EDIL3: variants seen among roughly 807,000 people sequenced by gnomAD.
EDIL3 encodes the protein EGF like and discoidin domains 3.
EDIL3 carries 37 observed loss-of-function variants against 67.4 expected under a neutral mutation model. That is an observed-to-expected ratio of 0.55 (90% CI 0.42 to 0.72). The LOEUF (loss-of-function observed/expected upper bound fraction) is 0.72. Among genes scored for constraint, EDIL3 ranks in the 30% least tolerant of loss-of-function variants. The pLI is 0.00. For missense variants in EDIL3, 527 were observed against 586.3 expected (o/e 0.90, Z 1.04); for synonymous variants, 195 against 196.3 (o/e 0.99, Z 0.05).
chr5:84,094,494 C>G (rs1747225648), intron 6 of EDIL3, among the ~76,000 whole-genome samples: 1 of 151,470 alleles, frequency 6.6e-6, no homozygotes, highest in Admixed American at 6.6e-5. Context: ...GCTTCTGTAA[C>G]TAGAAAAAAG....
chr5:84,171,035 C>T (rs2112348603), intron 4 of EDIL3, among the ~76,000 whole-genome samples: 1 of 152,060 alleles, frequency 6.6e-6, no homozygotes, highest in South Asian at 2.1e-4. Context: ...CCTCAGGTGA[C>T]CTGTCTGCCT....
intron 3 of EDIL3, among the ~76,000 whole-genome samples, chr5:84,201,383 T>A (rs1030281282): frequency 1.3e-5 from 2 of 152,088 alleles, no homozygotes; most frequent in African/African-American, 2.4e-5. Context: ...TTATAAAGTA[T>A]AGCTCCATGG....
chr5:84,211,691 A>G (rs372678044), intron 3 of EDIL3, among the ~76,000 whole-genome samples: 1 of 152,332 alleles, frequency 6.6e-6, no homozygotes, highest in African/African-American at 2.4e-5. Context: ...AAACTGAAAG[A>G]GACAAGGAAA....
At chr5:84,093,021 C>T (rs949311014) in intron 6 of EDIL3, among the ~76,000 whole-genome samples, 2 of 152,068 alleles carry the variant, frequency 1.3e-5, no homozygotes, top group African/African-American at 2.4e-5. Context: ...GTGAGGCACT[C>T]CCCGTATAAA....
intron 1 of EDIL3, among the ~76,000 whole-genome samples, chr5:84,360,679 C>G (rs1467548327): frequency 1.3e-5 from 2 of 152,014 alleles, no homozygotes; most frequent in Admixed American, 1.3e-4. Context: ...AAAGTAGAAC[C>G]TGGTATACAT....
intron 2 of EDIL3, among the ~76,000 whole-genome samples, chr5:84,236,458 C>T (rs1324204420): frequency 6.6e-6 from 1 of 152,022 alleles, no homozygotes; most frequent in Non-Finnish European, 1.5e-5. Context: ...TAAATGTGCC[C>T]TTCCTCCCTA....
intron 1 of EDIL3, among the ~76,000 whole-genome samples, chr5:84,371,920 C>T (rs544835155): frequency 9.2e-5 from 14 of 152,196 alleles, no homozygotes; most frequent in African/African-American, 3.1e-4. Flanking sequence ...CCAATTCAAA[C>T]TTTCAGTCCC....
At chr5:84,008,826 G>T (rs1457002739) in intron 9 of EDIL3, among the ~76,000 whole-genome samples, 2 of 151,856 alleles carry the variant, frequency 1.3e-5, no homozygotes, top group African/African-American at 4.8e-5. Flanking sequence ...TTTTGTTTGT[G>T]GGGGGAAACA....
At chr5:84,311,053 C>T (rs951858712) in intron 1 of EDIL3, among the ~76,000 whole-genome samples, 9 of 151,876 alleles carry the variant, frequency 5.9e-5, no homozygotes, top group Admixed American at 3.9e-4. Context: ...AGTAGTTTTC[C>T]TTCATTTCTG....
intron 3 of EDIL3, among the ~76,000 whole-genome samples, chr5:84,210,878 T>G (rs1744103991): frequency 6.6e-6 from 1 of 152,226 alleles, no homozygotes; most frequent in Non-Finnish European, 1.5e-5. Context: ...TTATGAATAT[T>G]TCATTACACA....
At chr5:84,035,471 T>C (rs915104521) in intron 9 of EDIL3, among the ~76,000 whole-genome samples, 5 of 152,172 alleles carry the variant, frequency 3.3e-5, no homozygotes, top group African/African-American at 9.6e-5. Context: ...ATTTAATCCA[T>C]TGTAAATAGT....
In EDIL3 at chr5:84,106,821, C is replaced by G; in HGVS notation, c.479G>C (p.Gly160Ala). 1.3e-6 allele frequency: 2 copies of G among 1,597,798 alleles called. No individual in the cohort carries two copies. Among genetic ancestry groups the G allele is most frequent in the Non-Finnish European group, 1.7e-6 (2 of 1,174,326 alleles). ...MGRNCQYKCS[G>A]PLGIEGGIIS... ...AATTCCACCTTCAATTCCCAGTGGG[C>G]CTGAGCATTCTGGAAACAAAAACAG... is the stretch of plus-strand genomic sequence containing the variant. Residue 160 changes from glycine to alanine, a missense_variant, in exon 6 of 11, where the codon GGC becomes GCC. This residue lies in a region of EDIL3 where 494 missense variants were observed against 522.5 expected (regional missense o/e 0.95). Coordinates refer to ENST00000296591, the MANE Select transcript of EDIL3 (RefSeq NM_005711.5).
chr5:84,064,557 T>C (rs1746599407), intron 8 of EDIL3, 143 bp downstream of exon 8: 2 of 1,018,100 alleles, frequency 2.0e-6, no homozygotes, highest in African/African-American at 1.6e-5. Context: ...ACACACTGGT[T>C]TTCCCTGAAC....
intron 6 of EDIL3, among the ~76,000 whole-genome samples, chr5:84,079,382 G>A (rs1561424730): frequency 6.6e-6 from 1 of 152,050 alleles, no homozygotes; most frequent in Non-Finnish European, 1.5e-5. Flanking sequence ...AGGAAGTCTT[G>A]TGGGACTGGG....
chr5:84,095,191 A>G (rs1747242009), intron 6 of EDIL3, among the ~76,000 whole-genome samples: 1 of 152,182 alleles, frequency 6.6e-6, no homozygotes, highest in Non-Finnish European at 1.5e-5. Flanking sequence ...TCTGAGCATG[A>G]CCTGCACTAG....
At chr5:84,117,589 AT>A (rs1747693576) in intron 5 of EDIL3, among the ~76,000 whole-genome samples, 1 of 152,088 alleles carries the variant, frequency 6.6e-6, no homozygotes, top group Non-Finnish European at 1.5e-5. Context: ...CATATTAAAA[AT>A]ATATGACAAA....
intron 1 of EDIL3, among the ~76,000 whole-genome samples, chr5:84,346,138 T>TTTC (rs1747235191): frequency 2.7e-5 from 4 of 146,512 alleles, no homozygotes; most frequent in African/African-American, 1.0e-4. Flanking sequence ...TTTTTTTCTT[T>TTTC]TTTTTTTTTT....
chr5:84,206,894 T>C (rs566965241), intron 3 of EDIL3, among the ~76,000 whole-genome samples: 4 of 152,322 alleles, frequency 2.6e-5, no homozygotes, highest in South Asian at 4.1e-4. Flanking sequence ...ATGGGACATA[T>C]CTCAAATAAT....
chr5:84,204,406 T>C (rs1389943583), intron 3 of EDIL3, among the ~76,000 whole-genome samples: 2 of 152,204 alleles, frequency 1.3e-5, no homozygotes, highest in African/African-American at 2.4e-5. Context: ...CAAATGTAGA[T>C]TAAAAATAAA....
Sources: allele counts gnomAD v4.1 joint callset (sites outside exome capture counted in the v4.1 genomes callset), GRCh38; gene constraint gnomAD v4.1.1; regional missense constraint gnomAD v4.1.1; transcripts MANE v1.5; gene names NCBI Gene and HGNC (gene_info 2026-07-23, HGNC 2026-07-21).